The following KSR2 variants were observed in gnomAD, a reference collection of about 807,000 sequenced individuals.
KSR2 encodes the protein kinase suppressor of ras 2.
KSR2 carries 25 observed loss-of-function variants against 107.8 expected under a neutral mutation model. The observed-to-expected ratio is 0.23, with a 90% CI of 0.17 to 0.32. KSR2 has a LOEUF of 0.32. Ranked by LOEUF, KSR2 falls within the 10% of genes least tolerant of loss-of-function variation. The pLI, the probability that KSR2 is intolerant of heterozygous loss-of-function variation, is 1.00. For synonymous variants in KSR2, 480 were observed against 507.0 expected, an observed-to-expected ratio of 0.95 and a Z score of 0.71; for missense variants, 887 against 1,268.9, an observed-to-expected ratio of 0.70 and a Z score of 4.57.
intron 14 of KSR2, among the ~76,000 whole-genome samples, chr12:117,508,783 G>T (rs1873854811): frequency 6.6e-6 from 1 of 151,848 alleles, no homozygotes; most frequent in Non-Finnish European, 1.5e-5. Context: ...TAGATGGATG[G>T]GTGGCTGGAT....
intron 7 of KSR2, among the ~76,000 whole-genome samples, chr12:117,565,919 ACT>A (rs1482310277): frequency 8.6e-5 from 13 of 151,940 alleles, no homozygotes; most frequent in Admixed American, 7.2e-4. Flanking sequence ...GAAGTTTAAG[ACT>A]CTTTTTAACT....
intron 4 of KSR2, among the ~76,000 whole-genome samples, chr12:117,708,591 T>C (rs768818859): frequency 6.6e-6 from 1 of 152,216 alleles, no homozygotes; most frequent in Non-Finnish European, 1.5e-5. Context: ...CTGATGATAG[T>C]ATTGCCAGAG....
At chr12:117,717,897 T>C (rs566024355) in intron 4 of KSR2, among the ~76,000 whole-genome samples, 1 of 152,276 alleles carries the variant, frequency 6.6e-6, no homozygotes, top group Admixed American at 6.5e-5. Flanking sequence ...AGTCTCTTTC[T>C]GGAACTACTT....
intron 5 of KSR2, among the ~76,000 whole-genome samples, chr12:117,598,180 T>C (rs1054859695): frequency 6.6e-6 from 1 of 152,222 alleles, no homozygotes; most frequent in Non-Finnish European, 1.5e-5. Context: ...ATCATTCTTA[T>C]GCCTTTGCAT....
intron 1 of KSR2, among the ~76,000 whole-genome samples, chr12:117,932,159 C>T (rs1018041914): frequency 2.6e-5 from 4 of 151,922 alleles, no homozygotes; most frequent in Non-Finnish European, 5.9e-5. Flanking sequence ...TGATGGTGGG[C>T]GCCTGTAATC....
chr12:117,875,052 T>C (rs1055678621), intron 1 of KSR2, among the ~76,000 whole-genome samples: 4 of 152,106 alleles, frequency 2.6e-5, no homozygotes, highest in Admixed American at 2.0e-4. Flanking sequence ...CCACGACAGA[T>C]GGAAAATTTT....
At chr12:117,812,301 A>G (rs1891215796) in intron 3 of KSR2, among the ~76,000 whole-genome samples, 1 of 152,222 alleles carries the variant, frequency 6.6e-6, no homozygotes, top group African/African-American at 2.4e-5. Flanking sequence ...TATATTGATG[A>G]CATGTTGCAA....
At chr12:117,772,964 C>T (rs1205882751) in intron 3 of KSR2, among the ~76,000 whole-genome samples, 1 of 152,230 alleles carries the variant, frequency 6.6e-6, no homozygotes, top group Non-Finnish European at 1.5e-5. Flanking sequence ...TCCACCCCTA[C>T]ACTTCAAAAC....
chr12:117,862,310 G>A (rs1052990243), intron 1 of KSR2, among the ~76,000 whole-genome samples: 3 of 152,128 alleles, frequency 2.0e-5, no homozygotes, highest in African/African-American at 7.2e-5. Flanking sequence ...GGAGGTGTCT[G>A]TGGCATTTTA....
At chr12:117,817,209 G>A (rs1369488416) in intron 3 of KSR2, among the ~76,000 whole-genome samples, 1 of 152,168 alleles carries the variant, frequency 6.6e-6, no homozygotes, top group East Asian at 1.9e-4. Flanking sequence ...GTGAAGGTCT[G>A]TCTTCCTCCG....
chr12:117,538,447 G>A (rs1876209216), intron 10 of KSR2, among the ~76,000 whole-genome samples: 1 of 151,958 alleles, frequency 6.6e-6, no homozygotes, highest in Non-Finnish European at 1.5e-5. Context: ...GCATGTGGGT[G>A]CCGCCCAGGT....
At chr12:117,915,789 A>G (rs759601476) in intron 1 of KSR2, among the ~76,000 whole-genome samples, 1 of 151,832 alleles carries the variant, frequency 6.6e-6, no homozygotes, top group Non-Finnish European at 1.5e-5. Flanking sequence ...AAGTCCTCTC[A>G]CTCATTTTTT....
chr12:117,738,475 G>A (rs886555873), intron 4 of KSR2, among the ~76,000 whole-genome samples: 4 of 152,284 alleles, frequency 2.6e-5, no homozygotes, highest in African/African-American at 4.8e-5. Context: ...CCTGTTTAGC[G>A]TGTTACTCTA....
chr12:117,773,750 C>T (rs1203959747), intron 3 of KSR2, among the ~76,000 whole-genome samples: 1 of 152,200 alleles, frequency 6.6e-6, no homozygotes, highest in Admixed American at 6.5e-5. Flanking sequence ...TTTAAATCCT[C>T]ATAACTTTCT....
intron 4 of KSR2, among the ~76,000 whole-genome samples, chr12:117,694,318 G>T (rs950818753): frequency 2.6e-5 from 4 of 152,190 alleles, no homozygotes; most frequent in African/African-American, 9.7e-5. Flanking sequence ...TAAGTCTCAT[G>T]AGATCTGATG....
At chr12:117,821,811 C>A (rs138856958) in intron 3 of KSR2, among the ~76,000 whole-genome samples, 56 of 152,280 alleles carry the variant, frequency 3.7e-4, no homozygotes, top group Middle Eastern at 3.4e-3. Flanking sequence ...GGTCTTTGGT[C>A]TCAAGGAGTC....
At position 117,485,589 on chromosome 12, in the gene KSR2, C is replaced by A. The variant is rs753626344; in HGVS notation, c.2316+6G>T. ...TTTAGATAGGAGGCCCAAGAGCCGA[C>A]AGTACCTTCACAATTTCTTGAGCAA... On this transcript the variant is annotated splice_donor_region_variant and intron_variant, in intron 15 of 19. Transcript: ENST00000339824. 2.5e-5 allele frequency: 40 copies of A among 1,611,646 alleles called. No individual in the cohort carries two copies. Among genetic ancestry groups the A allele is most frequent in the Non-Finnish European group, 3.4e-5 (40 of 1,177,952 alleles).
chr12:117,559,896 A>G (rs779657534), intron 7 of KSR2, among the ~76,000 whole-genome samples: 2 of 152,170 alleles, frequency 1.3e-5, no homozygotes, highest in Admixed American at 6.5e-5. Flanking sequence ...TGCACATACC[A>G]GTCTAACTTC....
chr12:117,919,344 T>C lies in KSR2; in HGVS notation c.180+48732A>G, dbSNP rs544920522. Among the ~76,000 whole-genome samples the C allele has an allele frequency of 3.3e-5, 5 of 152,278 alleles. No homozygotes were observed. In the South Asian group the frequency reaches 1.0e-3, roughly 32 times the overall value. On this transcript the variant is annotated intron_variant, in intron 1 of 19. Coordinates refer to ENST00000339824, the MANE Select transcript of KSR2 (RefSeq NM_173598.6). ...TAAGCATAAGGTTGCTTTGCAGGAC[T>C]TCCGCATCTTTCTGTAGCTGTCAAC... is the stretch of plus-strand genomic sequence containing the variant.
Sources: allele counts gnomAD v4.1 joint callset (sites outside exome capture counted in the v4.1 genomes callset), GRCh38; gene constraint gnomAD v4.1.1; transcripts MANE v1.5; gene names NCBI Gene and HGNC (gene_info 2026-07-23, HGNC 2026-07-21).